The following ESRRG variants were observed in gnomAD, a reference collection of about 807,000 sequenced individuals.
ESRRG encodes estrogen related receptor gamma.
Under a neutral mutation model 44.0 loss-of-function variants are expected in ESRRG, and 13 were observed. The observed-to-expected ratio is 0.30, with a 90% CI of 0.19 to 0.47. ESRRG has a LOEUF of 0.47. ESRRG is among the 20% of genes least tolerant of loss of function. The pLI, the probability that ESRRG is intolerant of heterozygous loss-of-function variation, is 1.00. For missense variants in ESRRG, 395 were observed against 580.6 expected (o/e 0.68, Z 3.29); for synonymous variants, 215 against 214.6 (o/e 1.00, Z -0.02).
At chr1:216,694,331 T>G (rs1482365620) in intron 1 of ESRRG, among the ~76,000 whole-genome samples, 1 of 151,998 alleles carries the variant, frequency 6.6e-6, no homozygotes, top group Non-Finnish European at 1.5e-5. Context: ...TCTCAGAGAA[T>G]GTAGGAGGGG....
At position 216,977,933 on chromosome 1, in the gene ESRRG, GT is replaced by G. The variant is rs1450169279; in HGVS notation, c.-105-38261del. 2.6e-5 allele frequency among the ~76,000 whole-genome samples: 4 copies of G among 152,086 alleles called. No homozygotes were observed. In the East Asian group the frequency reaches 7.7e-4, roughly 29 times the overall value. ...TGGTCCAATTTCCCCTTGCTTGCAC[GT>G]GCTCTCTTGTCCTTCTCCCTTCCAC... On this transcript the variant is annotated intron_variant, in intron 1 of 7. Transcript: ENST00000359162.
At chr1:217,122,733 C>T (rs555243058) in intron 1 of ESRRG, among the ~76,000 whole-genome samples, 14 of 144,390 alleles carry the variant, frequency 9.7e-5, no homozygotes, top group African/African-American at 2.9e-4. Context: ...TACAATGGCT[C>T]GATCTCAGCT....
chr1:216,808,927 T>C (rs2094883153), intron 2 of ESRRG, among the ~76,000 whole-genome samples: 1 of 152,060 alleles, frequency 6.6e-6, no homozygotes, highest in South Asian at 2.1e-4. Context: ...TCTTTTTTTT[T>C]CTCAAATGGG....
chr1:216,777,976 T>C (rs1045461078), intron 2 of ESRRG, among the ~76,000 whole-genome samples: 1 of 152,080 alleles, frequency 6.6e-6, no homozygotes, highest in Non-Finnish European at 1.5e-5. Flanking sequence ...CTGGTACCTA[T>C]CACTGCTAAT....
At chr1:216,674,292 C>A (rs1195061405) in intron 2 of ESRRG, among the ~76,000 whole-genome samples, 1 of 152,138 alleles carries the variant, frequency 6.6e-6, no homozygotes, top group Non-Finnish European at 1.5e-5. Context: ...TTTTAGCTTT[C>A]TCGCTTTCCA....
At chr1:217,074,747 C>T (rs1047660703) in intron 1 of ESRRG, among the ~76,000 whole-genome samples, 20 of 151,914 alleles carry the variant, frequency 1.3e-4, no homozygotes, top group African/African-American at 3.9e-4. Context: ...CACTCCAGCC[C>T]GAGCAACAGA....
intron 2 of ESRRG, among the ~76,000 whole-genome samples, chr1:216,729,873 A>G (rs1303712700): frequency 2.0e-5 from 3 of 152,286 alleles, no homozygotes; most frequent in South Asian, 2.1e-4. Context: ...CAAAAACTCA[A>G]TTTCTTCACA....
At chr1:217,077,540 T>C (rs2091420282) in intron 1 of ESRRG, among the ~76,000 whole-genome samples, 1 of 152,182 alleles carries the variant, frequency 6.6e-6, no homozygotes, top group Non-Finnish European at 1.5e-5. Context: ...CTGACCTGAA[T>C]GTTCTTAGAA....
At chr1:216,510,757 C>T (rs1000984017) in intron 6 of ESRRG, among the ~76,000 whole-genome samples, 2 of 151,980 alleles carry the variant, frequency 1.3e-5, no homozygotes, top group Admixed American at 6.6e-5. Flanking sequence ...TAGTGGTGGG[C>T]GCCTGCAGTC....
intron 2 of ESRRG, among the ~76,000 whole-genome samples, chr1:216,661,844 C>T (rs1027911124): frequency 5.9e-5 from 9 of 152,120 alleles, no homozygotes; most frequent in African/African-American, 1.9e-4. Flanking sequence ...AACTCCTTGA[C>T]ATAAGTAATG....
chr1:216,640,440 G>C (rs1170672066), intron 3 of ESRRG, among the ~76,000 whole-genome samples: 1 of 151,836 alleles, frequency 6.6e-6, no homozygotes, highest in Non-Finnish European at 1.5e-5. Context: ...TTTGCAGACA[G>C]CTTGCCTTAG....
chr1:216,634,992 T>C (rs1190609263), intron 3 of ESRRG, among the ~76,000 whole-genome samples: 1 of 152,146 alleles, frequency 6.6e-6, no homozygotes, highest in Non-Finnish European at 1.5e-5. Flanking sequence ...CCTCCTTTTT[T>C]CTTTGCTCTC....
intron 6 of ESRRG, among the ~76,000 whole-genome samples, chr1:216,511,067 G>T (rs768016001): frequency 2.0e-5 from 3 of 152,084 alleles, no homozygotes; most frequent in Non-Finnish European, 4.4e-5. Flanking sequence ...GTCGAGCCTA[G>T]TATATAACAT....
At chr1:217,045,768 C>A (rs748620306) in intron 1 of ESRRG, among the ~76,000 whole-genome samples, 1 of 152,046 alleles carries the variant, frequency 6.6e-6, no homozygotes, top group Non-Finnish European at 1.5e-5. Flanking sequence ...TTCACCCAAC[C>A]GGTCAGAGAT....
intron 1 of ESRRG, among the ~76,000 whole-genome samples, chr1:216,962,538 G>T (rs1450906098): frequency 6.6e-6 from 1 of 151,302 alleles, no homozygotes; most frequent in African/African-American, 2.4e-5. Flanking sequence ...ATTAGATGGT[G>T]TGTTTCCACA....
intron 3 of ESRRG, among the ~76,000 whole-genome samples, chr1:216,582,347 G>A (rs1388230254): frequency 1.3e-5 from 2 of 152,146 alleles, no homozygotes; most frequent in Admixed American, 6.5e-5. Context: ...TGGCAACAAA[G>A]GGTCTTTAAA....
intron 3 of ESRRG, among the ~76,000 whole-genome samples, chr1:216,598,848 C>T (rs960115954): frequency 6.6e-6 from 1 of 151,992 alleles, no homozygotes; most frequent in Non-Finnish European, 1.5e-5. Flanking sequence ...TAATTTAATG[C>T]CTACTGTGTG....
intron 3 of ESRRG, among the ~76,000 whole-genome samples, chr1:216,649,376 A>G (rs2068391827): frequency 6.6e-6 from 1 of 152,030 alleles, no homozygotes. Flanking sequence ...CACCAATGTG[A>G]CACTGTCACC....
intron 1 of ESRRG, among the ~76,000 whole-genome samples, chr1:217,033,174 C>T (rs577580942): frequency 1.3e-5 from 2 of 152,200 alleles, no homozygotes; most frequent in Non-Finnish European, 2.9e-5. Flanking sequence ...GTGGCCGATG[C>T]CCAGGACAGA....
Sources: allele counts gnomAD v4.1 joint callset (sites outside exome capture counted in the v4.1 genomes callset), GRCh38; gene constraint gnomAD v4.1.1; transcripts MANE v1.5; gene names NCBI Gene and HGNC (gene_info 2026-07-23, HGNC 2026-07-21).